NFIB: variants seen among roughly 807,000 people sequenced by gnomAD.
NFIB encodes the protein nuclear factor 1 B-type.
Under a neutral mutation model 61.5 loss-of-function variants are expected in NFIB, and 11 were observed. The observed-to-expected ratio is 0.18, with a 90% confidence interval of 0.11 to 0.30. The LOEUF (loss-of-function observed/expected upper bound fraction) is 0.30, where lower values mean the gene tolerates loss of function less well. Ranked by LOEUF, NFIB falls within the 10% of genes least tolerant of loss-of-function variation. The pLI is 1.00. For synonymous variants in NFIB, 260 were observed against 216.5 expected, an observed-to-expected ratio of 1.20 and a Z score of -1.76; for missense variants, 471 against 608.9, an observed-to-expected ratio of 0.77 and a Z score of 2.38.
At chr9:14,247,936 T>C (rs939021281) in intron 2 of NFIB, among the ~76,000 whole-genome samples, 56 of 97,816 alleles carry the variant, frequency 5.7e-4, no homozygotes, top group African/African-American at 1.8e-3. Context: ...TCTTTTTTTC[T>C]TTTTTTTTTT....
intron 3 of NFIB, among the ~76,000 whole-genome samples, chr9:14,159,418 A>G (rs148261825): frequency 6.6e-6 from 1 of 152,320 alleles, no homozygotes; most frequent in African/African-American, 2.4e-5. Context: ...CTACTCCTGC[A>G]TGGAGCCCAG....
the NFIB span, among the ~76,000 whole-genome samples, chr9:14,411,618 A>T: frequency 2.6e-4 from 39 of 152,318 alleles, 2 homozygotes; most frequent in African/African-American, 9.1e-4. Flanking sequence ...GCCACGGAAC[A>T]ATACCAGGGC....
chr9:14,104,419 G>GT (rs945961609), intron 10 of NFIB, among the ~76,000 whole-genome samples: 94 of 145,916 alleles, frequency 6.4e-4, no homozygotes, highest in African/African-American at 1.1e-3. Context: ...ATTGTCTTCT[G>GT]TTTTTTTTTT....
chr9:14,203,268 G>T (rs978508707), intron 2 of NFIB, among the ~76,000 whole-genome samples: 9 of 151,892 alleles, frequency 5.9e-5, no homozygotes, highest in African/African-American at 2.2e-4. Context: ...CATTCACAAT[G>T]TGCTTTCCTA....
rs867367887 is a variant in NFIB, at chr9:14,085,875, A to C, written c.*2434T>G. The C allele has an allele frequency of 9.4e-5, 21 of 224,448 alleles. No individual in the cohort carries two copies. The highest frequency in any genetic ancestry group is 3.4e-4 in the Admixed American group (6 of 17,460). 13.9% of individuals were successfully genotyped at this position (224,448 alleles called of 1,614,324 possible). On this transcript the variant is annotated 3_prime_UTR_variant, in exon 11 of 11. Coordinates refer to ENST00000380953, the MANE Select transcript of NFIB (RefSeq NM_001190737.2). ...AAGAATATTCATGTGTTAAACTCTCAAAAGTGTTAAACATCCAACATCCCC... is the reference window on the plus strand; with the variant it reads ...AAGAATATTCATGTGTTAAACTCTCCAAAGTGTTAAACATCCAACATCCCC...
intron 3 of NFIB, among the ~76,000 whole-genome samples, chr9:14,172,953 A>G (rs1201949986): frequency 6.6e-6 from 1 of 152,124 alleles, no homozygotes; most frequent in Non-Finnish European, 1.5e-5. Context: ...TATTTTTAGT[A>G]GAGACGGGGT....
At chr9:14,481,197 G>GTGTGTATA in the NFIB span, among the ~76,000 whole-genome samples, 4 of 45,844 alleles carry the variant, frequency 8.7e-5, no homozygotes, top group East Asian at 1.7e-3. Context: ...GTGTGTGTGT[G>GTGTGTATA]TATATATATA....
chr9:14,146,622 C>A lies in NFIB; in HGVS notation c.925+67G>T. 14 of 1,608,152 alleles carry A rather than the reference C, an allele frequency of 8.7e-6. No individual in the cohort carries two copies. The South Asian group carries it at 1.6e-4, about 18-fold the overall frequency. Reference sequence around the variant, plus strand: ...TTGGTTTAATTATGAAATTTTGACTCAACGAAACTTAAGAAACGAGCCAAC... The same window carrying A: ...TTGGTTTAATTATGAAATTTTGACTAAACGAAACTTAAGAAACGAGCCAAC... On this transcript the variant is annotated intron_variant, in intron 6 of 10. Coordinates refer to ENST00000380953, the MANE Select transcript of NFIB (RefSeq NM_001190737.2).
chr9:14,336,155 T>G (rs964519895), intron 1 of NFIB, among the ~76,000 whole-genome samples: 1 of 152,266 alleles, frequency 6.6e-6, no homozygotes, highest in African/African-American at 2.4e-5. Flanking sequence ...TGAACTCTTC[T>G]GGTATTTTGT....
upstream of NFIB, among the ~76,000 whole-genome samples, chr9:14,400,619 A>G (rs193081178): frequency 2.0e-3 from 300 of 152,116 alleles, no homozygotes; most frequent in African/African-American, 6.7e-3. Flanking sequence ...CAACATGCTT[A>G]TCACATAATA....
intron 2 of NFIB, among the ~76,000 whole-genome samples, chr9:14,267,670 T>C (rs758330414): frequency 2.6e-5 from 4 of 152,224 alleles, no homozygotes; most frequent in Non-Finnish European, 5.9e-5. Flanking sequence ...ATTTGTTGAA[T>C]TGATTTGTTG....
chr9:14,140,446 T>G (rs1308035123), intron 6 of NFIB, among the ~76,000 whole-genome samples: 1 of 152,086 alleles, frequency 6.6e-6, no homozygotes, highest in Admixed American at 6.6e-5. Context: ...GGTTCTGAAG[T>G]CACAAACTTA....
the NFIB span, among the ~76,000 whole-genome samples, chr9:14,458,856 G>C: frequency 1.3e-5 from 2 of 151,330 alleles, no homozygotes; most frequent in African/African-American, 2.4e-5. Flanking sequence ...CACTGCTCAA[G>C]GAAATAAAAG....
intron 2 of NFIB, chr9:14,204,778 G>T (rs2049452394): frequency 3.8e-6 from 2 of 524,462 alleles, no homozygotes; most frequent in Admixed American, 5.8e-5. Flanking sequence ...GTAAAATGGG[G>T]GTCCCTTACT....
At chr9:14,430,236 T>A in the NFIB span, among the ~76,000 whole-genome samples, 22 of 152,330 alleles carry the variant, frequency 1.4e-4, no homozygotes, top group East Asian at 3.9e-3. Flanking sequence ...GGGTAAAATT[T>A]TTTTTGCTTG....
At chr9:14,445,093 G>C in the NFIB span, among the ~76,000 whole-genome samples, 1 of 152,138 alleles carries the variant, frequency 6.6e-6, no homozygotes. Context: ...TGTATTTTCA[G>C]TGCCGTATGG....
chr9:14,319,644 A>G (rs925823883), intron 1 of NFIB, among the ~76,000 whole-genome samples: 9 of 152,238 alleles, frequency 5.9e-5, no homozygotes, highest in Admixed American at 2.0e-4. Context: ...GCCTTGTAAC[A>G]TAGGAAAACA....
intron 2 of NFIB, among the ~76,000 whole-genome samples, chr9:14,191,220 C>G (rs1297460648): frequency 6.6e-6 from 1 of 151,788 alleles, no homozygotes; most frequent in Admixed American, 6.6e-5. Flanking sequence ...CCCAACTACT[C>G]GAGAGGCTAA....
At chr9:14,175,167 C>CTTTTTTTTTTTTT (rs55765054) in intron 3 of NFIB, among the ~76,000 whole-genome samples, 16 of 126,042 alleles carry the variant, frequency 1.3e-4, no homozygotes, top group African/African-American at 4.9e-4. Flanking sequence ...TAAAGAATTT[C>CTTTTTTTTTTTTT]TTTTTTTTTT....
Sources: allele counts gnomAD v4.1 joint callset (sites outside exome capture counted in the v4.1 genomes callset), GRCh38; gene constraint gnomAD v4.1.1; transcripts MANE v1.5; gene names NCBI Gene and HGNC (gene_info 2026-07-23, HGNC 2026-07-21).